ANXA11: variants seen among roughly 807,000 people sequenced by gnomAD.
The protein encoded by ANXA11 is 56 kDa autoantigen.
In ANXA11, 57 loss-of-function variants were observed where a neutral mutation model predicts 64.7. That is an observed-to-expected ratio of 0.88 (90% CI 0.71 to 1.10). The LOEUF (loss-of-function observed/expected upper bound fraction) is 1.10, where lower values mean the gene tolerates loss of function less well. ANXA11 is among the 50% of genes least tolerant of loss of function. The probability of loss-of-function intolerance (pLI) is 0.00; values close to 1 mark genes in which losing one functional copy is unlikely to be tolerated. For synonymous variants in ANXA11, 260 were observed against 265.2 expected, an observed-to-expected ratio of 0.98 and a Z score of 0.19; for missense variants, 675 against 670.7, an observed-to-expected ratio of 1.01 and a Z score of -0.07.
intron 1 of ANXA11, among the ~76,000 whole-genome samples, chr10:80,182,396 T>C (rs1846388113): frequency 6.6e-6 from 1 of 152,148 alleles, no homozygotes; most frequent in Non-Finnish European, 1.5e-5. Flanking sequence ...CCTCTATCCT[T>C]GTACACAAAG....
chr10:80,180,852 C>A (rs1436824160), intron 1 of ANXA11: 1 of 152,158 alleles, frequency 6.6e-6, no homozygotes, highest in Admixed American at 6.5e-5. Flanking sequence ...AGAGGCTCTA[C>A]CCTCACGAAT....
intron 1 of ANXA11, among the ~76,000 whole-genome samples, chr10:80,199,191 G>A (rs1317022155): frequency 1.3e-5 from 2 of 149,706 alleles, no homozygotes; most frequent in African/African-American, 5.0e-5. Flanking sequence ...TCCGCCTCCC[G>A]GGTTCATGCC....
chr10:80,157,655 A>T lies in ANXA11; in HGVS notation c.1444T>A (p.Tyr482Asn). ...CAGGCCCGTACCGAGATGTCGTGGT[A>T]CAGCGACTTGCCGTACATCCGCTTA... ...EYKRMYGKSL[Y>N]HDISGDTSGD... Residue 482 changes from tyrosine to asparagine, a missense_variant, in exon 15 of 16, where the codon TAC (tyrosine) becomes AAC (asparagine). Coordinates refer to ENST00000422982, the MANE Select transcript of ANXA11 (RefSeq NM_145868.2). 1 of 1,613,760 alleles carries T rather than the reference A, an allele frequency of 6.2e-7. No individual in the cohort carries two copies. The highest frequency in any genetic ancestry group is 1.1e-5 in the South Asian group (1 of 91,064).
At position 80,152,999 on chromosome 10, in the gene ANXA11, A is replaced by T. The variant is rs958317795; in HGVS notation, c.*2854T>A. On this transcript the variant is annotated 3_prime_UTR_variant, in exon 16 of 16. Transcript: ENST00000422982. ...AATAGTGGCTTTGAGCCAAGTATGA[A>T]CTTACACAAGCAGGTTATATAACAA... 1 of 152,250 alleles carries T rather than the reference A, an allele frequency of 6.6e-6. No individual in the cohort carries two copies. The highest frequency in any genetic ancestry group is 2.4e-5 in the African/African-American group (1 of 41,458). The allele number at this position is 152,250 out of a possible 1,614,324, so 9.4% of individuals were successfully genotyped here. A position where few individuals can be genotyped will look rare whatever the true frequency, so the allele number is the denominator to read the frequency against.
intron 1 of ANXA11, among the ~76,000 whole-genome samples, chr10:80,185,308 G>A (rs1846499780): frequency 6.6e-6 from 1 of 152,222 alleles, no homozygotes; most frequent in Admixed American, 6.5e-5. Context: ...GTGATGGGCA[G>A]CTCAGTGCTG....
intron 1 of ANXA11, among the ~76,000 whole-genome samples, chr10:80,182,244 C>T (rs1307803346): frequency 6.6e-6 from 1 of 152,012 alleles, no homozygotes; most frequent in Non-Finnish European, 1.5e-5. Context: ...CAGGGAAACT[C>T]TGTGGTTTCC....
chr10:80,159,585 C>G (rs751266462), intron 12 of ANXA11, among the ~76,000 whole-genome samples: 15 of 152,152 alleles, frequency 9.9e-5, no homozygotes, highest in Non-Finnish European at 2.2e-4. Flanking sequence ...GCAGCATGAG[C>G]AGACTAACAG....
chr10:80,180,642 T>C (rs1373946674), intron 1 of ANXA11, among the ~76,000 whole-genome samples: 2 of 121,752 alleles, frequency 1.6e-5, no homozygotes, highest in Non-Finnish European at 3.7e-5. Context: ...ATTTGTATAT[T>C]AGTTTTTTTT....
intron 15 of ANXA11, chr10:80,156,597 T>G (rs1237294021): frequency 5.2e-6 from 2 of 382,938 alleles, no homozygotes; most frequent in East Asian, 1.6e-4. Flanking sequence ...CACTGCAACC[T>G]CTGTCTCCCG....
At position 80,168,973 on chromosome 10, in the gene ANXA11, G is replaced by C; in HGVS notation, c.557C>G (p.Thr186Ser). 1 of 1,531,538 alleles carries C rather than the reference G, an allele frequency of 6.5e-7. No homozygotes were observed. The highest frequency in any genetic ancestry group is 1.3e-5 in the South Asian group (1 of 76,172). The allele number at this position is 1,531,538 out of a possible 1,614,324, so 94.9% of individuals were successfully genotyped here. A position where few individuals can be genotyped will look rare whatever the true frequency, so the allele number is the denominator to read the frequency against. The change falls in exon 5 of 16, where the codon ACC (threonine) becomes AGC (serine). Residue 186 changes from threonine to serine, a missense_variant. Transcript: ENST00000422982. ...SGTVTPAVPPTQFGSRGTITD... is the reference protein window; with the variant it reads ...SGTVTPAVPPSQFGSRGTITD... ...AGGCAGTGGGCTGACACTCACCTGG[G>C]TTGGGGGCACAGCGGGGGTGACAGT... is the stretch of plus-strand genomic sequence containing the variant.
chr10:80,203,530 G>A (rs1326363675), intron 1 of ANXA11, among the ~76,000 whole-genome samples: 1 of 152,128 alleles, frequency 6.6e-6, no homozygotes, highest in East Asian at 1.9e-4. Context: ...TTCAACTAAC[G>A]ACAACTAATT....
chr10:80,161,530 C>T (rs1260122365), intron 12 of ANXA11, among the ~76,000 whole-genome samples: 2 of 152,282 alleles, frequency 1.3e-5, no homozygotes, highest in Non-Finnish European at 2.9e-5. Flanking sequence ...CCCACACCTG[C>T]TCCACCACCT....
intron 13 of ANXA11, 48 bp downstream of exon 13, chr10:80,159,052 G>T: frequency 7.0e-7 from 1 of 1,423,664 alleles, no homozygotes; most frequent in Middle Eastern, 2.1e-4. Flanking sequence ...GAACACTCAC[G>T]ATACACGTTA....
intron 12 of ANXA11, among the ~76,000 whole-genome samples, chr10:80,161,511 C>A (rs548663671): frequency 2.0e-5 from 3 of 152,282 alleles, no homozygotes; most frequent in Non-Finnish European, 4.4e-5. Flanking sequence ...CCCTGCCCCC[C>A]ACCGTGGCCC....
At chr10:80,183,374 T>A (rs745585574) in intron 1 of ANXA11, among the ~76,000 whole-genome samples, 4 of 152,188 alleles carry the variant, frequency 2.6e-5, no homozygotes, top group Non-Finnish European at 5.9e-5. Context: ...GGGCAACCCT[T>A]TTTGAGGTCC....
At position 80,185,144 on chromosome 10, in the gene ANXA11, C is replaced by T. The variant is rs368841787; in HGVS notation, c.-57-8989G>A. On this transcript the variant is annotated intron_variant, in intron 1 of 15. Transcript: ENST00000422982. ...TTGGCCTTCTGTAGAGCAGAACCCACCTGGTGCATGACAGTCAACTGATGG... is the reference window on the plus strand; with the variant it reads ...TTGGCCTTCTGTAGAGCAGAACCCATCTGGTGCATGACAGTCAACTGATGG... 1.4e-4 allele frequency among the ~76,000 whole-genome samples: 21 copies of T among 152,332 alleles called. No homozygotes were observed. In the South Asian group the frequency reaches 4.3e-3, roughly 32 times the overall value.
At chr10:80,204,451 G>A (rs981986693) in intron 1 of ANXA11, among the ~76,000 whole-genome samples, 2 of 152,222 alleles carry the variant, frequency 1.3e-5, no homozygotes, top group Admixed American at 6.5e-5. Context: ...GCAGGGGCTC[G>A]GCCTCACAGC....
At chr10:80,191,942 C>T (rs772021333) in intron 1 of ANXA11, among the ~76,000 whole-genome samples, 10 of 152,142 alleles carry the variant, frequency 6.6e-5, no homozygotes, top group Admixed American at 2.0e-4. Flanking sequence ...TTGTGGCATG[C>T]CAAGGTGATA....
At chr10:80,205,651 C>T (rs973234230), upstream of ANXA11, 1 of 152,154 alleles carries the variant, frequency 6.6e-6, no homozygotes, top group Non-Finnish European at 1.5e-5. Context: ...GAGCAGCAGC[C>T]TTCCGGCTGC....
Sources: gnomAD v4.1 joint callset for allele counts (sites outside exome capture counted in the v4.1 genomes callset) on GRCh38, gnomAD v4.1.1 for gene constraint, MANE v1.5 for transcripts, NCBI Gene and HGNC (gene_info 2026-07-23, HGNC 2026-07-21) for gene names.